The following SDK2 variants were observed in gnomAD, a reference collection of about 807,000 sequenced individuals.
SDK2 encodes protein sidekick-2.
A neutral mutation model predicts 253.9 loss-of-function variants in SDK2; 105 were observed. The observed-to-expected ratio is 0.41, with a 90% CI of 0.35 to 0.49. SDK2 has a LOEUF of 0.49. Among genes scored for constraint, SDK2 ranks in the 20% least tolerant of loss-of-function variants. The probability of loss-of-function intolerance (pLI) is 0.06; values close to 1 mark genes in which losing one functional copy is unlikely to be tolerated. For missense variants in SDK2, 2,608 were observed against 3,003.0 expected (o/e 0.87, Z 3.07); for synonymous variants, 1,249 against 1,234.9 (o/e 1.01, Z -0.24).
intron 18 of SDK2, among the ~76,000 whole-genome samples, chr17:73,403,997 A>G (rs1399658161): frequency 6.6e-6 from 1 of 152,194 alleles, no homozygotes; most frequent in Non-Finnish European, 1.5e-5. Context: ...CTGGGTAAAT[A>G]TTATCTTCCT....
chr17:73,582,289 C>T (rs1284447981), intron 1 of SDK2, among the ~76,000 whole-genome samples: 1 of 148,622 alleles, frequency 6.7e-6, no homozygotes, highest in Admixed American at 6.6e-5. Context: ...GGGGCGCACA[C>T]CACGCAGGCA....
At chr17:73,577,937 CA>C (rs2045478950) in intron 1 of SDK2, among the ~76,000 whole-genome samples, 1 of 152,236 alleles carries the variant, frequency 6.6e-6, no homozygotes, top group Non-Finnish European at 1.5e-5. Context: ...TCCTGAAATG[CA>C]GAAGAGGACG....
At chr17:73,641,125 C>T (rs574591887) in intron 1 of SDK2, 6 of 152,234 alleles carry the variant, frequency 3.9e-5, no homozygotes, top group Non-Finnish European at 8.8e-5. Flanking sequence ...AAGAAACCTC[C>T]TGGGTAAGGA....
chr17:73,433,610 TAC>T, intron 10 of SDK2, 120 bp downstream of exon 10: 1 of 710,900 alleles, frequency 1.4e-6, no homozygotes. Context: ...TCTTGGGTTG[TAC>T]AGTGTATGAC....
chr17:73,345,211 C>T (rs190022072), intron 44 of SDK2, among the ~76,000 whole-genome samples: 6 of 151,852 alleles, frequency 4.0e-5, no homozygotes, highest in African/African-American at 1.2e-4. Context: ...CCCAGCTATT[C>T]GGGAGGCTGA....
chr17:73,600,491 T>C (rs1435003464), intron 1 of SDK2, among the ~76,000 whole-genome samples: 1 of 152,030 alleles, frequency 6.6e-6, no homozygotes. Flanking sequence ...ATCAGAGCTG[T>C]CCCACCTAGG....
chr17:73,447,852 G>T lies in SDK2; in HGVS notation c.480-104C>A. 7.3e-7 allele frequency: 1 copy of T among 1,370,248 alleles called. No homozygotes were observed. Among genetic ancestry groups the T allele is most frequent in the Non-Finnish European group, 1.0e-6 (1 of 996,938 alleles). The allele number at this position is 1,370,248 out of a possible 1,614,324, so 84.9% of individuals were successfully genotyped here. A position where few individuals can be genotyped will look rare whatever the true frequency, so the allele number is the denominator to read the frequency against. On this transcript the variant is annotated intron_variant, in intron 4 of 44. Transcript: ENST00000392650. This position sits in a 1 kb window ranked among gnomAD's most constrained non-coding sequence, Gnocchi z 4.0. ...GGGGGAAGCCCGACCATATCTCCCA[G>T]TCCCCAGCCTCCCAGGGCCCCTCCT... is the stretch of plus-strand genomic sequence containing the variant.
chr17:73,542,114 C>T (rs1410820388), intron 1 of SDK2, among the ~76,000 whole-genome samples: 1 of 152,242 alleles, frequency 6.6e-6, no homozygotes, highest in African/African-American at 2.4e-5. Flanking sequence ...GTCTAAAGTA[C>T]CTGGGACTGG....
intron 1 of SDK2, among the ~76,000 whole-genome samples, chr17:73,528,794 T>A (rs2064146233): frequency 1.3e-5 from 2 of 152,212 alleles, no homozygotes; most frequent in Non-Finnish European, 2.9e-5. Flanking sequence ...GTCGAAGCTT[T>A]TATTTCCCGG....
chr17:73,578,317 G>A (rs547056834), intron 1 of SDK2, among the ~76,000 whole-genome samples: 23 of 152,138 alleles, frequency 1.5e-4, no homozygotes, highest in African/African-American at 4.1e-4. Context: ...TGCCCGCCTC[G>A]GCCTCCCAAA....
chr17:73,484,279 G>T (rs919517217), intron 2 of SDK2, among the ~76,000 whole-genome samples: 1 of 152,168 alleles, frequency 6.6e-6, no homozygotes, highest in Non-Finnish European at 1.5e-5. Flanking sequence ...TGGAAACCAG[G>T]CTTCAGGGAA....
chr17:73,440,108 C>CTTTT (rs112008765), intron 6 of SDK2, among the ~76,000 whole-genome samples: 1 of 138,702 alleles, frequency 7.2e-6, no homozygotes, highest in Non-Finnish European at 1.6e-5. Flanking sequence ...AGCCCATACT[C>CTTTT]TTTTTTTTTT....
intron 1 of SDK2, among the ~76,000 whole-genome samples, chr17:73,572,305 C>T (rs939026523): frequency 6.6e-6 from 1 of 152,114 alleles, no homozygotes; most frequent in Non-Finnish European, 1.5e-5. Flanking sequence ...CCCCTACCTG[C>T]CGTGAGGGCT....
intron 1 of SDK2, among the ~76,000 whole-genome samples, chr17:73,594,001 G>A (rs1243612314): frequency 1.3e-5 from 2 of 152,224 alleles, no homozygotes; most frequent in Non-Finnish European, 2.9e-5. Context: ...GGAAAACAGA[G>A]GCTTGGAGGT....
intron 12 of SDK2, among the ~76,000 whole-genome samples, chr17:73,425,161 G>A (rs1224289473): frequency 1.3e-5 from 2 of 152,106 alleles, no homozygotes; most frequent in Non-Finnish European, 1.5e-5. Context: ...TGGAGGTTGC[G>A]GGGAGCCGAG....
chr17:73,616,447 G>A lies in SDK2; in HGVS notation c.64+27578C>T, dbSNP rs889498762. On this transcript the variant is annotated intron_variant, in intron 1 of 44. Coordinates refer to ENST00000392650, the MANE Select transcript of SDK2 (RefSeq NM_001144952.2). This position sits in a 1 kb window ranked among gnomAD's most constrained non-coding sequence, Gnocchi z 5.2. ...TTCCTTTCACTTGGGCAGGCTGACC[G>A]TGGCCTCAAGGACCACTGTCGCAAT... 1.3e-5 allele frequency among the ~76,000 whole-genome samples: 2 copies of A among 152,182 alleles called. No homozygotes were observed. The highest frequency in any genetic ancestry group is 6.5e-5 in the Admixed American group (1 of 15,302).
Position 73,401,938 on chromosome 17 carries a change from G to C in SDK2, c.2680+8C>G. On this transcript the variant is annotated splice_region_variant and intron_variant, in intron 19 of 44. Transcript: ENST00000392650. ...GGGGCAGAAAGAGCAGGGCTGGGGG[G>C]TGCCTACCATCCTCATGGGTGCGCA... The C allele has an allele frequency of 6.3e-7, 1 of 1,591,874 alleles. No homozygotes were observed. The highest frequency in any genetic ancestry group is 1.1e-5 in the South Asian group (1 of 88,844).
At chr17:73,446,559 T>A (rs576647966) in intron 5 of SDK2, among the ~76,000 whole-genome samples, 1 of 152,330 alleles carries the variant, frequency 6.6e-6, no homozygotes, top group East Asian at 1.9e-4. Context: ...GGGAATGTCC[T>A]GGGCCCTCTG....
At chr17:73,532,714 C>CG (rs1388376623) in intron 1 of SDK2, among the ~76,000 whole-genome samples, 21 of 152,138 alleles carry the variant, frequency 1.4e-4, no homozygotes, top group South Asian at 2.1e-4. Flanking sequence ...TCCAAGGAAA[C>CG]GGGGGGGCTG....
Sources: gnomAD v4.1 joint callset for allele counts (sites outside exome capture counted in the v4.1 genomes callset) on GRCh38, gnomAD v4.1.1 for gene constraint, Gnocchi (gnomAD v3.1) non-coding constraint, MANE v1.5 for transcripts, NCBI Gene and HGNC (gene_info 2026-07-23, HGNC 2026-07-21) for gene names.